Variants in DNAH12 observed in about 807,000 individuals in gnomAD.
DNAH12 encodes the protein axonemal beta dynein heavy chain 12.
A neutral mutation model predicts 371.5 loss-of-function variants in DNAH12; 285 were observed. That is an observed-to-expected ratio of 0.77 (90% CI 0.70 to 0.85). The LOEUF is 0.85. DNAH12 is among the 40% of genes least tolerant of loss of function. DNAH12 has a pLI of 0.00. For synonymous variants in DNAH12, 1,200 were observed against 1,213.0 expected (o/e 0.99, Z 0.22); for missense variants, 3,611 against 3,689.4 (o/e 0.98, Z 0.55).
At chr3:57,471,658 C>A in intron 14 of DNAH12, 52 bp from the exon 15 acceptor site, 1 of 1,436,776 alleles carries the variant, frequency 7.0e-7, no homozygotes, top group Non-Finnish European at 9.2e-7. Context: ...AAAGAATTAT[C>A]AAGTCAGAAA....
intron 16 of DNAH12, among the ~76,000 whole-genome samples, chr3:57,469,655 A>G (rs535149636): frequency 5.3e-5 from 8 of 152,370 alleles, no homozygotes; most frequent in African/African-American, 1.9e-4. Context: ...CAACCTTAAA[A>G]AAGGATGAAA....
chr3:57,298,226 G>A (rs1166997247), intron 70 of DNAH12, among the ~76,000 whole-genome samples: 2 of 152,176 alleles, frequency 1.3e-5, no homozygotes, highest in Admixed American at 1.3e-4. Flanking sequence ...CACCTGGCCA[G>A]TCATACTTCC....
chr3:57,498,511 C>G (rs1355331684), intron 11 of DNAH12: 1 of 715,918 alleles, frequency 1.4e-6, no homozygotes, highest in Non-Finnish European at 2.6e-6. Flanking sequence ...TAAAAATACA[C>G]TTCCCATACC....
At chr3:57,337,843 T>C (rs1488641146) in intron 60 of DNAH12, among the ~76,000 whole-genome samples, 1 of 152,046 alleles carries the variant, frequency 6.6e-6, no homozygotes. Flanking sequence ...ACAAAGAAAC[T>C]GCAAATTTAA....
chr3:57,549,334 G>T (rs1294396564), upstream of DNAH12, among the ~76,000 whole-genome samples: 1 of 152,034 alleles, frequency 6.6e-6, no homozygotes, highest in East Asian at 1.9e-4. Context: ...TGGCCAACAT[G>T]GTGAAACCCC....
In DNAH12 at chr3:57,352,601, T is replaced by C. The variant is rs147228292; in HGVS notation, c.9534-376A>G. 3.7e-3 allele frequency among the ~76,000 whole-genome samples: 568 copies of C among 152,030 alleles called. 6 individuals are homozygous for C. Among genetic ancestry groups the C allele is most frequent in the African/African-American group, 0.013 (543 of 41,450 alleles). ...TATGGTTTACACCATCTCTCTATTT[T>C]CCAAATCCTAAATATCTTATTCTGC... On this transcript the variant is annotated intron_variant, in intron 59 of 73. Coordinates refer to ENST00000495027, the MANE Select transcript of DNAH12 (RefSeq NM_001366028.2).
rs546683210 is a variant in DNAH12, at chr3:57,489,462, C to T, written c.1514+47G>A. On this transcript the variant is annotated intron_variant, in intron 12 of 73. Transcript: ENST00000495027. ...AAACAAGAGTTACTTTAGCAAAATACTTCTTTTAGCCATATAATTCTGAGC... is the reference window on the plus strand; with the variant it reads ...AAACAAGAGTTACTTTAGCAAAATATTTCTTTTAGCCATATAATTCTGAGC... 26 of 1,435,912 alleles carry T rather than the reference C, an allele frequency of 1.8e-5. No individual in the cohort carries two copies. The Admixed American group carries it at 3.7e-4, about 21-fold the overall frequency. The allele number at this position is 1,435,912 out of a possible 1,614,324, so 88.9% of individuals were successfully genotyped here. A position where few individuals can be genotyped will look rare whatever the true frequency, so the allele number is the denominator to read the frequency against.
In DNAH12 at chr3:57,468,846, T is replaced by G; in HGVS notation, c.2239A>C (p.Lys747Gln). ...KLKKELQEKR[K>Q]AARKRSLEEE... Reference sequence around the variant, plus strand: ...TCCAAAGACCGTTTTCTTGCTGCCTTTCTTTTTTCTTGTAATTCTTTCTTT... The same window carrying G: ...TCCAAAGACCGTTTTCTTGCTGCCTGTCTTTTTTCTTGTAATTCTTTCTTT... Residue 747 changes from lysine (K) to glutamine (Q), a missense_variant, in exon 17 of 74, where the codon AAG (lysine) becomes CAG (glutamine). By Grantham distance (53) the Lys-to-Gln change is moderately conservative (BLOSUM62 1). Around this residue, in one of 3 missense-constraint regions of DNAH12, gnomAD observed 1,314 missense variants for 1,398.7 expected, o/e 0.94. Coordinates refer to ENST00000495027, the MANE Select transcript of DNAH12 (RefSeq NM_001366028.2). 2.0e-6 allele frequency: 3 copies of G among 1,524,400 alleles called. No individual in the cohort carries two copies. Among genetic ancestry groups the G allele is most frequent in the Non-Finnish European group, 2.6e-6 (3 of 1,140,750 alleles). 94.4% of individuals were successfully genotyped at this position (1,524,400 alleles called of 1,614,324 possible).
chr3:57,389,822 G>GTGTGTATA (rs1326306277), intron 45 of DNAH12, among the ~76,000 whole-genome samples: 2 of 45,816 alleles, frequency 4.4e-5, no homozygotes, highest in Non-Finnish European at 1.4e-4. Flanking sequence ...GTGTGTGTGT[G>GTGTGTATA]TATATATATA....
rs780121215 is a variant in DNAH12, at chr3:57,501,305, CAG to C, written c.1335+14_1335+15del. ...AAAATTCAAAACGCATTAATAAAAA[CAG>C]AATTACCGCTTACCTCTGTATATTC... On this transcript the variant is annotated intron_variant, in intron 11 of 73. Coordinates refer to ENST00000495027, the MANE Select transcript of DNAH12 (RefSeq NM_001366028.2). 1 of 1,589,366 alleles carries C rather than the reference CAG, an allele frequency of 6.3e-7. No individual in the cohort carries two copies. The highest frequency in any genetic ancestry group is 1.2e-5 in the South Asian group (1 of 86,682).
intron 25 of DNAH12, among the ~76,000 whole-genome samples, chr3:57,449,707 T>G (rs539986602): frequency 6.6e-6 from 1 of 152,146 alleles, no homozygotes; most frequent in Admixed American, 6.5e-5. Context: ...CACGCAGCCT[T>G]GGTTCCCGCT....
intron 73 of DNAH12, among the ~76,000 whole-genome samples, chr3:57,294,227 A>G (rs1271777805): frequency 7.2e-6 from 1 of 138,940 alleles, no homozygotes; most frequent in Non-Finnish European, 1.5e-5. Flanking sequence ...CCTAGGCTGG[A>G]GTACAGTGGC....
chr3:57,489,362 T>G, intron 12 of DNAH12, 147 bp downstream of exon 12: 1 of 719,300 alleles, frequency 1.4e-6, no homozygotes, highest in South Asian at 3.1e-5. Flanking sequence ...CCAATGGGAC[T>G]ACAAAGGCAC....
At chr3:57,503,906 G>T in intron 9 of DNAH12, 110 bp downstream of exon 9, 2 of 869,730 alleles carry the variant, frequency 2.3e-6, no homozygotes, top group Non-Finnish European at 1.6e-6. Flanking sequence ...TGAAATAATT[G>T]GGGGAGGAAA....
chr3:57,319,743 A>ATTTTTTT (rs35617325), intron 65 of DNAH12, among the ~76,000 whole-genome samples: 1 of 143,384 alleles, frequency 7.0e-6, no homozygotes, highest in Non-Finnish European at 1.5e-5. Context: ...CACCTTGCTA[A>ATTTTTTT]TTTTTTTTTT....
intron 17 of DNAH12, 29 bp from the exon 18 acceptor site, chr3:57,462,904 G>A (rs1399704917): frequency 2.7e-6 from 4 of 1,504,972 alleles, no homozygotes; most frequent in East Asian, 2.5e-5. Flanking sequence ...ACAATTATGA[G>A]TCACTCATTT....
chr3:57,487,202 G>T (rs552150832), intron 12 of DNAH12, among the ~76,000 whole-genome samples: 5 of 151,618 alleles, frequency 3.3e-5, no homozygotes, highest in African/African-American at 1.2e-4. Flanking sequence ...TTGGGAGGCT[G>T]AGGAGGGAGG....
chr3:57,303,855 A>G (rs1279386557), intron 69 of DNAH12, among the ~76,000 whole-genome samples: 1 of 152,172 alleles, frequency 6.6e-6, no homozygotes, highest in Non-Finnish European at 1.5e-5. Context: ...ACCTGCACGT[A>G]TACATCCAGA....
intron 4 of DNAH12, among the ~76,000 whole-genome samples, chr3:57,516,733 T>G (rs2068212801): frequency 6.6e-6 from 1 of 152,216 alleles, no homozygotes; most frequent in South Asian, 2.1e-4. Flanking sequence ...CCTTTATACT[T>G]TTGCCGTAGC....
Sources: gnomAD v4.1 joint callset for allele counts (sites outside exome capture counted in the v4.1 genomes callset) on GRCh38, gnomAD v4.1.1 for gene constraint, gnomAD v4.1.1 regional missense constraint, MANE v1.5 for transcripts, NCBI Gene and HGNC (gene_info 2026-07-23, HGNC 2026-07-21) for gene names.